Variants in ADK observed in about 807,000 individuals in gnomAD.
The protein encoded by ADK is N6,N6-dimethyladenosine kinase.
ADK carries 24 observed loss-of-function variants against 44.7 expected under a neutral mutation model. The ratio of observed to expected loss-of-function variants is 0.54; its 90% CI spans 0.39 to 0.76. The LOEUF (loss-of-function observed/expected upper bound fraction) is 0.76, where lower values mean the gene tolerates loss of function less well. Ranked by LOEUF, ADK falls within the 30% of genes least tolerant of loss-of-function variation. The probability of loss-of-function intolerance (pLI) is 0.00; values close to 1 mark genes in which losing one functional copy is unlikely to be tolerated. For synonymous variants in ADK, 128 were observed against 142.6 expected (o/e 0.90, Z 0.73); for missense variants, 321 against 425.1 (o/e 0.76, Z 2.15).
At chr10:74,543,543 A>C (rs1213187511) in intron 7 of ADK, among the ~76,000 whole-genome samples, 1 of 152,196 alleles carries the variant, frequency 6.6e-6, no homozygotes, top group East Asian at 1.9e-4. Context: ...CTTGAAATGG[A>C]ATTGTTGGGT....
At chr10:74,277,116 A>G (rs1846717203) in intron 3 of ADK, among the ~76,000 whole-genome samples, 1 of 151,744 alleles carries the variant, frequency 6.6e-6, no homozygotes, top group African/African-American at 2.4e-5. Flanking sequence ...ACAGGGTTTC[A>G]CCATTTGGCC....
chr10:74,402,046 T>C (rs1248330959), intron 6 of ADK, among the ~76,000 whole-genome samples: 1 of 152,214 alleles, frequency 6.6e-6, no homozygotes, highest in East Asian at 1.9e-4. Context: ...ATTCTATTCT[T>C]TAAGAATGTT....
intron 2 of ADK, among the ~76,000 whole-genome samples, chr10:74,219,031 A>AT (rs1450961980): frequency 6.6e-6 from 1 of 152,136 alleles, no homozygotes; most frequent in Non-Finnish European, 1.5e-5. Context: ...TTAACTTTAA[A>AT]TGTAAATGGA....
intron 6 of ADK, among the ~76,000 whole-genome samples, chr10:74,436,582 G>T (rs1056496074): frequency 6.6e-5 from 10 of 151,748 alleles, no homozygotes; most frequent in African/African-American, 2.4e-4. Flanking sequence ...AAAAATTCTA[G>T]TTAAAAATTA....
intron 1 of ADK, 63 bp from the exon 2 acceptor site, chr10:74,200,701 G>A (rs185007675): frequency 3.7e-6 from 4 of 1,075,996 alleles, no homozygotes; most frequent in East Asian, 2.4e-5. Context: ...TTTATTTTGT[G>A]TACCTTTTAC....
At chr10:74,527,441 TG>T (rs1169835718) in intron 7 of ADK, 5 of 488,424 alleles carry the variant, frequency 1.0e-5, no homozygotes, top group Non-Finnish European at 1.9e-5. Flanking sequence ...TTAGGGAGAT[TG>T]AATGCCATAA....
chr10:74,278,168 A>G (rs921755066), intron 3 of ADK, among the ~76,000 whole-genome samples: 1 of 151,844 alleles, frequency 6.6e-6, no homozygotes, highest in Non-Finnish European at 1.5e-5. Flanking sequence ...AGCCTGGGCA[A>G]TATGGCAAAA....
At chr10:74,563,620 G>A (rs969828854) in intron 7 of ADK, among the ~76,000 whole-genome samples, 3 of 151,810 alleles carry the variant, frequency 2.0e-5, no homozygotes, top group African/African-American at 7.3e-5. Flanking sequence ...TTTACTTTAG[G>A]GAACAAAATC....
At chr10:74,644,385 C>T (rs1853986079) in intron 9 of ADK, among the ~76,000 whole-genome samples, 1 of 152,166 alleles carries the variant, frequency 6.6e-6, no homozygotes, top group African/African-American at 2.4e-5. Flanking sequence ...ACAGTGGCCC[C>T]ATTTTCCTTT....
chr10:74,168,625 T>G (rs1168706248), intron 1 of ADK, among the ~76,000 whole-genome samples: 2 of 151,684 alleles, frequency 1.3e-5, no homozygotes, highest in Non-Finnish European at 2.9e-5. Context: ...AAGGAAAATC[T>G]TTTTTTAGAC....
chr10:74,620,699 T>G (rs1052967744), intron 9 of ADK, among the ~76,000 whole-genome samples: 3 of 152,120 alleles, frequency 2.0e-5, no homozygotes, highest in African/African-American at 7.2e-5. Flanking sequence ...CTCACCAGCA[T>G]CTGCTTTTTT....
intron 1 of ADK, among the ~76,000 whole-genome samples, chr10:74,177,613 C>T (rs1479087362): frequency 6.6e-6 from 1 of 152,148 alleles, no homozygotes; most frequent in East Asian, 1.9e-4. Context: ...TTAATTTACG[C>T]TAGTTCAACT....
chr10:74,455,624 C>T (rs962581217), intron 6 of ADK, among the ~76,000 whole-genome samples: 1 of 152,126 alleles, frequency 6.6e-6, no homozygotes, highest in Non-Finnish European at 1.5e-5. Flanking sequence ...ATTCTCCTGC[C>T]TCAGCTGCCC....
intron 2 of ADK, among the ~76,000 whole-genome samples, chr10:74,202,891 C>G (rs1480679745): frequency 6.6e-6 from 1 of 152,148 alleles, no homozygotes; most frequent in African/African-American, 2.4e-5. Context: ...AACATTTTCT[C>G]CCATTCTGGG....
intron 9 of ADK, chr10:74,655,079 CA>C (rs1854429945): frequency 4.0e-6 from 1 of 249,276 alleles, no homozygotes; most frequent in Non-Finnish European, 7.9e-6. Flanking sequence ...GCCTTCCCTT[CA>C]TCCGCTCTGG....
intron 9 of ADK, among the ~76,000 whole-genome samples, chr10:74,653,332 A>T (rs1854341055): frequency 6.6e-6 from 1 of 152,000 alleles, no homozygotes; most frequent in South Asian, 2.1e-4. Context: ...GGCACTTTTA[A>T]TCCCAGCTAC....
rs550912352 is a variant in ADK at position 74,657,913 on chromosome 10, G to C, written c.878-12270G>C. Among the ~76,000 whole-genome samples, 9 of 152,326 alleles carry C rather than the reference G, an allele frequency of 5.9e-5. No individual in the cohort carries two copies. In the South Asian group the frequency reaches 1.9e-3, roughly 32 times the overall value. On this transcript the variant is annotated intron_variant, in intron 9 of 10. Transcript: ENST00000539909. ...CTTGGAGGCCAAGGACTATAGCCAA[G>C]AAGACATGCCTTATTTGGAACTAAG... is the stretch of plus-strand genomic sequence containing the variant.
intron 6 of ADK, among the ~76,000 whole-genome samples, chr10:74,405,820 C>T (rs1448437222): frequency 6.6e-6 from 1 of 152,092 alleles, no homozygotes; most frequent in Non-Finnish European, 1.5e-5. Context: ...TTGAAACAGC[C>T]ACTATTTCCA....
intron 1 of ADK, among the ~76,000 whole-genome samples, chr10:74,172,624 G>A (rs1467144514): frequency 6.6e-6 from 1 of 150,478 alleles, no homozygotes; most frequent in East Asian, 1.9e-4. Context: ...GGGAGGCAGA[G>A]GTTGCAGTGA....
Sources: allele counts gnomAD v4.1 joint callset (sites outside exome capture counted in the v4.1 genomes callset), GRCh38; gene constraint gnomAD v4.1.1; transcripts MANE v1.5; gene names NCBI Gene and HGNC (gene_info 2026-07-23, HGNC 2026-07-21).